ASTN2: variants seen among roughly 807,000 people sequenced by gnomAD.
ASTN2 encodes astrotactin 2, also known as astrotactin-2.
Under a neutral mutation model 139.8 loss-of-function variants are expected in ASTN2, and 54 were observed. The observed-to-expected ratio is 0.39, with a 90% CI of 0.31 to 0.48. The LOEUF is 0.48. ASTN2 is among the 20% of genes least tolerant of loss of function. The pLI is 0.95. For synonymous variants in ASTN2, 756 were observed against 719.5 expected, an observed-to-expected ratio of 1.05 and a Z score of -0.81; for missense variants, 1,565 against 1,725.1, an observed-to-expected ratio of 0.91 and a Z score of 1.64.
intron 13 of ASTN2, among the ~76,000 whole-genome samples, chr9:116,763,507 T>C (rs1206570165): frequency 6.6e-6 from 1 of 152,102 alleles, no homozygotes; most frequent in Non-Finnish European, 1.5e-5. Context: ...TCACTCAGAC[T>C]TCCTGCAAAG....
chr9:117,173,972 A>G (rs995966801), intron 3 of ASTN2, among the ~76,000 whole-genome samples: 7 of 101,586 alleles, frequency 6.9e-5, no homozygotes, highest in Non-Finnish European at 1.1e-4. Flanking sequence ...AGAAACCAAA[A>G]CCAAGAACAA....
intron 3 of ASTN2, among the ~76,000 whole-genome samples, chr9:117,166,195 C>A (rs564853754): frequency 6.6e-6 from 1 of 152,006 alleles, no homozygotes; most frequent in Non-Finnish European, 1.5e-5. Flanking sequence ...CTAGAATGTT[C>A]TCATTTATAG....
intron 16 of ASTN2, among the ~76,000 whole-genome samples, chr9:116,680,238 A>G (rs941873322): frequency 3.9e-5 from 6 of 152,252 alleles, no homozygotes; most frequent in Admixed American, 6.5e-5. Flanking sequence ...AGAGAATACT[A>G]CAAACACCTC....
chr9:116,503,639 A>G (rs1442274901), intron 19 of ASTN2, among the ~76,000 whole-genome samples: 2 of 152,180 alleles, frequency 1.3e-5, no homozygotes, highest in Non-Finnish European at 2.9e-5. Flanking sequence ...ACAGCTTTAC[A>G]TAATATATAC....
rs114013643 is a variant in ASTN2, at chr9:116,991,879, T to A, written c.1592-15094A>T. Among the ~76,000 whole-genome samples the A allele has an allele frequency of 8.2e-3, 1,254 of 152,308 alleles. 10 individuals carry two copies. Among genetic ancestry groups the A allele is most frequent in the African/African-American group, 0.028 (1,175 of 41,570 alleles). ...GTGGTGTCTCTTTTGCTTCTCTCCCTGGTGACTGACTCAATCTTCAGGCTC... is the reference window on the plus strand; with the variant it reads ...GTGGTGTCTCTTTTGCTTCTCTCCCAGGTGACTGACTCAATCTTCAGGCTC... On this transcript the variant is annotated intron_variant, in intron 7 of 22. Transcript: ENST00000313400.
At chr9:117,004,604 T>C (rs1333006779) in intron 7 of ASTN2, among the ~76,000 whole-genome samples, 2 of 152,118 alleles carry the variant, frequency 1.3e-5, no homozygotes, top group African/African-American at 4.8e-5. Context: ...AATCCTCAAA[T>C]AGAGGGAGGA....
intron 19 of ASTN2, among the ~76,000 whole-genome samples, chr9:116,508,597 T>C (rs998099168): frequency 6.6e-6 from 1 of 152,172 alleles, no homozygotes; most frequent in Non-Finnish European, 1.5e-5. Flanking sequence ...AGTACTTTTT[T>C]CTTTATTATG....
intron 20 of ASTN2, among the ~76,000 whole-genome samples, chr9:116,474,347 T>C (rs1420773759): frequency 2.6e-5 from 4 of 152,216 alleles, no homozygotes; most frequent in Non-Finnish European, 5.9e-5. Context: ...AGAGAGGGTT[T>C]AGATCAGTGG....
chr9:117,331,766 C>A (rs1467655616), intron 1 of ASTN2, among the ~76,000 whole-genome samples: 2 of 152,120 alleles, frequency 1.3e-5, no homozygotes, highest in Admixed American at 1.3e-4. Context: ...ATTTAAAAAC[C>A]AAAAACGAAG....
chr9:116,687,214 G>A, intron 16 of ASTN2: 2 of 1,007,846 alleles, frequency 2.0e-6, no homozygotes, highest in Non-Finnish European at 2.4e-6. Context: ...CCGCGCGCTT[G>A]GGGCCAGCTG....
At chr9:117,174,199 C>T (rs1417959452) in intron 3 of ASTN2, among the ~76,000 whole-genome samples, 1 of 151,790 alleles carries the variant, frequency 6.6e-6, no homozygotes, top group Non-Finnish European at 1.5e-5. Flanking sequence ...CATGAATACA[C>T]ATACTTATTT....
chr9:117,175,273 T>A (rs1034340865), intron 3 of ASTN2, among the ~76,000 whole-genome samples: 1 of 152,118 alleles, frequency 6.6e-6, no homozygotes, highest in Admixed American at 6.6e-5. Flanking sequence ...ATAGATAAAA[T>A]GTTTAGATGT....
At chr9:116,620,103 C>A (rs184005335) in intron 18 of ASTN2, among the ~76,000 whole-genome samples, 225 of 152,244 alleles carry the variant, frequency 1.5e-3, no homozygotes, top group African/African-American at 5.3e-3. Context: ...AACAAGCATG[C>A]ACTGCAATAT....
At chr9:116,451,539 C>T (rs1229226876) in intron 20 of ASTN2, among the ~76,000 whole-genome samples, 1 of 152,128 alleles carries the variant, frequency 6.6e-6, no homozygotes, top group Non-Finnish European at 1.5e-5. Context: ...GGACACAGTA[C>T]TATAAGGTCT....
chr9:116,495,087 A>G (rs1564317555), intron 19 of ASTN2, among the ~76,000 whole-genome samples: 1 of 152,224 alleles, frequency 6.6e-6, no homozygotes, highest in Non-Finnish European at 1.5e-5. Flanking sequence ...ATAGGACACA[A>G]ATAATACAGG....
In ASTN2 at chr9:116,682,262, A is replaced by C. The variant is rs539962661; in HGVS notation, c.2807-30469T>G. Among the ~76,000 whole-genome samples, 1,232 of 152,310 alleles carry C rather than the reference A, an allele frequency of 8.1e-3. 21 individuals carry two copies. Among genetic ancestry groups the C allele is most frequent in the African/African-American group, 0.029 (1,191 of 41,572 alleles). On this transcript the variant is annotated intron_variant, in intron 16 of 22. Coordinates refer to ENST00000313400, the MANE Select transcript of ASTN2 (RefSeq NM_001365068.1). ...AAAGAAGACATTTATGCAGCCAAAA[A>C]ACACATGAAAAAATGCTCACCATCA... is the stretch of plus-strand genomic sequence containing the variant.
intron 22 of ASTN2, among the ~76,000 whole-genome samples, chr9:116,439,685 C>CCCAT (rs1232414438): frequency 6.6e-6 from 1 of 152,144 alleles, no homozygotes; most frequent in African/African-American, 2.4e-5. Flanking sequence ...GCTCCAAATA[C>CCCAT]CCATCCTTTT....
At chr9:116,686,054 GCTA>G (rs1322640058) in intron 16 of ASTN2, among the ~76,000 whole-genome samples, 1 of 152,022 alleles carries the variant, frequency 6.6e-6, no homozygotes, top group Non-Finnish European at 1.5e-5. Flanking sequence ...TCCCCTACCT[GCTA>G]ATTACAATTT....
chr9:117,313,819 A>G (rs1828051737), intron 1 of ASTN2, among the ~76,000 whole-genome samples: 1 of 152,152 alleles, frequency 6.6e-6, no homozygotes, highest in Non-Finnish European at 1.5e-5. Flanking sequence ...GCCTCAAGGA[A>G]AATTGAAAAA....
Sources: gnomAD v4.1 joint callset for allele counts (sites outside exome capture counted in the v4.1 genomes callset) on GRCh38, gnomAD v4.1.1 for gene constraint, MANE v1.5 for transcripts, NCBI Gene and HGNC (gene_info 2026-07-23, HGNC 2026-07-21) for gene names.